Variants in EEFSEC observed in about 807,000 individuals in gnomAD.
EEFSEC encodes selenocysteine-specific elongation factor.
A neutral mutation model predicts 42.1 loss-of-function variants in EEFSEC; 43 were observed. The observed-to-expected ratio is 1.02, with a 90% confidence interval of 0.80 to 1.32. EEFSEC has a LOEUF of 1.32. Ranked by LOEUF, EEFSEC falls within the 40% of genes most tolerant of loss-of-function variation. The pLI is 0.00. For synonymous variants in EEFSEC, 354 were observed against 339.1 expected (o/e 1.04, Z -0.48); for missense variants, 745 against 803.6 (o/e 0.93, Z 0.88).
intron 4 of EEFSEC, among the ~76,000 whole-genome samples, chr3:128,288,306 G>A (rs1239026734): frequency 1.3e-5 from 2 of 152,156 alleles, no homozygotes; most frequent in African/African-American, 4.8e-5. Context: ...ATGGGAACTT[G>A]AGTTTAGGTC....
At chr3:128,405,447 G>T (rs1455587533) in intron 6 of EEFSEC, among the ~76,000 whole-genome samples, 1 of 152,366 alleles carries the variant, frequency 6.6e-6, no homozygotes, top group East Asian at 1.9e-4. Flanking sequence ...TTGCCATTGG[G>T]TAAGGGCTGT....
chr3:128,225,754 C>T (rs1272344043), intron 1 of EEFSEC, among the ~76,000 whole-genome samples: 2 of 152,204 alleles, frequency 1.3e-5, no homozygotes, highest in Non-Finnish European at 2.9e-5. Flanking sequence ...GATGGTTAGG[C>T]ACCCAGGCTT....
At chr3:128,191,046 A>T (rs182459922) in intron 1 of EEFSEC, among the ~76,000 whole-genome samples, 1 of 152,310 alleles carries the variant, frequency 6.6e-6, no homozygotes, top group East Asian at 1.9e-4. Flanking sequence ...AGGCTCTGCC[A>T]TCTAGGTTTG....
intron 4 of EEFSEC, among the ~76,000 whole-genome samples, chr3:128,270,861 C>T (rs898771648): frequency 2.0e-5 from 3 of 152,100 alleles, no homozygotes; most frequent in African/African-American, 7.2e-5. Context: ...AGGTGTGCCC[C>T]GTCCTCTGTG....
intron 1 of EEFSEC, among the ~76,000 whole-genome samples, chr3:128,164,967 C>A (rs1048685918): frequency 6.6e-6 from 1 of 152,214 alleles, no homozygotes; most frequent in African/African-American, 2.4e-5. Flanking sequence ...CTCAGGCAGG[C>A]AAGGCGGATG....
chr3:128,341,772 C>G lies in EEFSEC; in HGVS notation c.1326C>G (p.Cys442Trp). 1 of 1,614,130 alleles carries G rather than the reference C, an allele frequency of 6.2e-7. No homozygotes were observed. The highest frequency in any genetic ancestry group is 1.3e-5 in the African/African-American group (1 of 75,062). ...ATGCGGACATTCACACCAACACGTG[C>G]CGGCTAGCCTTCCATGGCATCCTGC... ...RLDADIHTNTCRLAFHGILLH... is the reference protein window; with the variant it reads ...RLDADIHTNTWRLAFHGILLH... Residue 442 changes from cysteine (C) to tryptophan (W), a missense_variant, in exon 5 of 7, where the codon TGC (cysteine) becomes TGG (tryptophan). Cys to Trp is a radical substitution (Grantham distance 215, BLOSUM62 -2). Transcript: ENST00000254730.
intron 5 of EEFSEC, among the ~76,000 whole-genome samples, chr3:128,351,902 G>T (rs2067390376): frequency 6.6e-6 from 1 of 152,216 alleles, no homozygotes; most frequent in South Asian, 2.1e-4. Flanking sequence ...TGCTGGCCTG[G>T]ATTCAGGACT....
At chr3:128,246,037 G>A (rs1488390809) in intron 1 of EEFSEC, among the ~76,000 whole-genome samples, 1 of 152,120 alleles carries the variant, frequency 6.6e-6, no homozygotes, top group African/African-American at 2.4e-5. Context: ...CCTGCAGTAC[G>A]AAGTTACACG....
At chr3:128,311,746 G>A (rs1456134848) in intron 4 of EEFSEC, among the ~76,000 whole-genome samples, 1 of 152,242 alleles carries the variant, frequency 6.6e-6, no homozygotes, top group Non-Finnish European at 1.5e-5. Context: ...TGTGCTTGGA[G>A]TGGGCACTCA....
intron 2 of EEFSEC, among the ~76,000 whole-genome samples, chr3:128,251,309 C>T (rs1457492597): frequency 6.6e-6 from 1 of 152,282 alleles, no homozygotes; most frequent in South Asian, 2.1e-4. Flanking sequence ...ACTGTATTTT[C>T]ACCTTTTTCC....
chr3:128,154,014 C>A, intron 1 of EEFSEC, 191 bp downstream of exon 1: 5 of 647,090 alleles, frequency 7.7e-6, no homozygotes, highest in South Asian at 2.5e-5. Flanking sequence ...CTTTGAGATT[C>A]AGCTTTTCCC....
chr3:128,314,033 G>A (rs931993820), intron 4 of EEFSEC, among the ~76,000 whole-genome samples: 1 of 152,146 alleles, frequency 6.6e-6, no homozygotes, highest in South Asian at 2.1e-4. Flanking sequence ...ATGCAAGATG[G>A]TTCTACATCT....
At chr3:128,231,065 C>G (rs955047787) in intron 1 of EEFSEC, among the ~76,000 whole-genome samples, 1 of 152,072 alleles carries the variant, frequency 6.6e-6, no homozygotes, top group African/African-American at 2.4e-5. Context: ...CTACTCCTCT[C>G]CTCCCCTCCA....
chr3:128,292,201 A>G (rs947309547), intron 4 of EEFSEC, among the ~76,000 whole-genome samples: 6 of 152,032 alleles, frequency 3.9e-5, no homozygotes, highest in Admixed American at 3.9e-4. Flanking sequence ...TTCTTTTTAT[A>G]TATTGCTGGA....
intron 1 of EEFSEC, among the ~76,000 whole-genome samples, chr3:128,165,555 G>T (rs2065235769): frequency 6.6e-6 from 1 of 152,148 alleles, no homozygotes; most frequent in East Asian, 1.9e-4. Context: ...AACAACTTTT[G>T]CTGTTGAGAG....
intron 1 of EEFSEC, among the ~76,000 whole-genome samples, chr3:128,209,856 C>T (rs1294680617): frequency 1.3e-5 from 2 of 152,174 alleles, no homozygotes; most frequent in Non-Finnish European, 2.9e-5. Context: ...ACTTGCTCAT[C>T]GTTCAATCAA....
At chr3:128,173,189 G>A (rs2065315761) in intron 1 of EEFSEC, among the ~76,000 whole-genome samples, 1 of 152,148 alleles carries the variant, frequency 6.6e-6, no homozygotes, top group African/African-American at 2.4e-5. Flanking sequence ...TTCAAAAGAG[G>A]CCCATGCCAT....
chr3:128,307,711 T>A (rs1451660523), intron 4 of EEFSEC, among the ~76,000 whole-genome samples: 1 of 152,182 alleles, frequency 6.6e-6, no homozygotes. Flanking sequence ...TTAAGAGAAA[T>A]AGTGCTCAGC....
intron 6 of EEFSEC, among the ~76,000 whole-genome samples, chr3:128,380,941 G>T (rs1464194915): frequency 6.6e-6 from 1 of 152,240 alleles, no homozygotes; most frequent in Non-Finnish European, 1.5e-5. Flanking sequence ...GGTGATGGAT[G>T]CAGCCATCTG....
Sources: gnomAD v4.1 joint callset for allele counts (sites outside exome capture counted in the v4.1 genomes callset) on GRCh38, gnomAD v4.1.1 for gene constraint, MANE v1.5 for transcripts, NCBI Gene and HGNC (gene_info 2026-07-23, HGNC 2026-07-21) for gene names.